DAPK3: variants seen among roughly 807,000 people sequenced by gnomAD.
The protein encoded by DAPK3 is death-associated protein kinase 3.
In DAPK3, 24 loss-of-function variants were observed where a neutral mutation model predicts 30.6. The observed-to-expected ratio is 0.78, with a 90% CI of 0.57 to 1.10. The LOEUF (loss-of-function observed/expected upper bound fraction) is 1.10. Among genes scored for constraint, DAPK3 ranks in the 50% least tolerant of loss-of-function variants. The pLI is 0.00. For missense variants in DAPK3, 629 were observed against 657.3 expected, an observed-to-expected ratio of 0.96 and a Z score of 0.47; for synonymous variants, 341 against 284.0, an observed-to-expected ratio of 1.20 and a Z score of -2.02.
chr19:3,963,826 T>C (rs1362539248), intron 5 of DAPK3, 45 bp downstream of exon 5: 1 of 1,399,884 alleles, frequency 7.1e-7, no homozygotes, highest in South Asian at 1.2e-5. Context: ...TGGCCTGCGC[T>C]CCAGGAATGC....
intron 2 of DAPK3, 100 bp downstream of exon 2, chr19:3,969,574 C>A: frequency 1.3e-6 from 1 of 791,786 alleles, no homozygotes; most frequent in South Asian, 1.5e-5. Context: ...TCCTTCTCAG[C>A]ATACAGGATA....
Position 3,964,614 on chromosome 19 carries a change from G to T in DAPK3, c.423+17C>A. Reference sequence around the variant, plus strand: ...CACACTGGCCAGGCCGGCCCCACAGGGCCCTACAGGGCTCACCTTCAGGTC... The same window carrying T: ...CACACTGGCCAGGCCGGCCCCACAGTGCCCTACAGGGCTCACCTTCAGGTC... On this transcript the variant is annotated intron_variant, in intron 3 of 8. Coordinates refer to ENST00000545797, the MANE Select transcript of DAPK3 (RefSeq NM_001348.3). 6.6e-7 allele frequency: 1 copy of T among 1,505,882 alleles called. No homozygotes were observed. 93.3% of individuals were successfully genotyped at this position (1,505,882 alleles called of 1,614,324 possible). A position where few individuals can be genotyped will look rare whatever the true frequency, so the allele number is the denominator to read the frequency against.
rs1030392911 is a variant in DAPK3 at position 3,959,753 on chromosome 19, C to T, written c.829-116G>A. The T allele has an allele frequency of 4.1e-6, 5 of 1,212,734 alleles. No homozygotes were observed. The African/African-American group carries it at 6.1e-5, about 15-fold the overall frequency. 75.1% of individuals were successfully genotyped at this position (1,212,734 alleles called of 1,614,324 possible). Reference sequence around the variant, plus strand: ...TCATCCGGCAGCAGAGTCAACGCCTCGTGACGGAGACTGCCCAGCCCGACG... The same window carrying T: ...TCATCCGGCAGCAGAGTCAACGCCTTGTGACGGAGACTGCCCAGCCCGACG... On this transcript the variant is annotated intron_variant, in intron 8 of 8. Transcript: ENST00000545797.
At chr19:3,964,573 G>A (rs1408912615) in intron 3 of DAPK3, 58 bp downstream of exon 3, 40 of 796,332 alleles carry the variant, frequency 5.0e-5, no homozygotes, top group African/African-American at 3.3e-4. Flanking sequence ...GCTCTTCCCC[G>A]CCCCATCCCC....
chr19:3,965,121 C>G, intron 2 of DAPK3, 130 bp from the exon 3 acceptor site: 1 of 619,004 alleles, frequency 1.6e-6, no homozygotes, highest in Non-Finnish European at 2.9e-6. Flanking sequence ...AGGACATGAG[C>G]TGGCCACTGC....
chr19:3,963,999 A>G (rs2039546825), intron 4 of DAPK3, 80 bp from the exon 5 acceptor site: 1 of 979,888 alleles, frequency 1.0e-6, no homozygotes, highest in Non-Finnish European at 1.6e-6. Flanking sequence ...CATGGGGTCA[A>G]GGTTCTCACA....
chr19:3,968,901 C>G lies in DAPK3; in HGVS notation c.62+773G>C, dbSNP rs79022921. On this transcript the variant is annotated intron_variant, in intron 2 of 8. Transcript: ENST00000545797. ...AAAAGGAGGCAGGGCCTAGTGGTGC[C>G]TGGCTAGTCTGGAGGGGGTGGGGCC... 7.7e-3 allele frequency among the ~76,000 whole-genome samples: 1,170 copies of G among 152,270 alleles called. 19 individuals carry two copies. The highest frequency in any genetic ancestry group is 0.027 in the African/African-American group (1,117 of 41,544).
Position 3,959,572 on chromosome 19 carries a change from C to A in DAPK3, c.894G>T (p.Lys298Asn), listed in dbSNP as rs2039480798. Residue 298 changes from lysine to asparagine, a missense_variant, in exon 9 of 9, where the codon AAG (lysine) becomes AAT (asparagine). Around this residue, in one of 2 missense-constraint regions of DAPK3, gnomAD observed 323 missense variants for 278.8 expected, o/e 1.16. Coordinates refer to ENST00000545797, the MANE Select transcript of DAPK3 (RefSeq NM_001348.3). ...TGGTGTACTCCTTCAGACGCGTGGT[C>A]TTCAGGCGCCGCCGCTCGGGCTTGC... ...SGRKPERRRL[K>N]TTRLKEYTIK... 1.3e-6 allele frequency: 2 copies of A among 1,583,486 alleles called. No individual in the cohort carries two copies. The highest frequency in any genetic ancestry group is 1.7e-6 in the Non-Finnish European group (2 of 1,173,840).
At chr19:3,961,613 G>A in intron 6 of DAPK3, 1 of 442,786 alleles carries the variant, frequency 2.3e-6, no homozygotes, top group South Asian at 1.6e-5. Flanking sequence ...GGGGTTTTGA[G>A]CAGAGACACT....
chr19:3,962,551 G>A lies in DAPK3; in HGVS notation c.629+1092C>T, dbSNP rs376573127. Among the ~76,000 whole-genome samples the A allele has an allele frequency of 2.5e-3, 375 of 151,992 alleles. 14 individuals carry two copies. The South Asian group carries it at 0.066, about 27-fold the overall frequency. Reference sequence around the variant, plus strand: ...AGCATTCTGGGAGGCCAAGGCGGCCGGATCACTTGAGGTCTGGAGTTCAAG... The same window carrying A: ...AGCATTCTGGGAGGCCAAGGCGGCCAGATCACTTGAGGTCTGGAGTTCAAG... On this transcript the variant is annotated intron_variant, in intron 6 of 8. Coordinates refer to ENST00000545797, the MANE Select transcript of DAPK3 (RefSeq NM_001348.3).
chr19:3,967,014 G>A (rs1462056545), intron 2 of DAPK3, among the ~76,000 whole-genome samples: 2 of 152,198 alleles, frequency 1.3e-5, no homozygotes, highest in African/African-American at 4.8e-5. Context: ...CAGCGCAGGT[G>A]GGGGCACAGC....
intron 2 of DAPK3, among the ~76,000 whole-genome samples, chr19:3,966,505 G>T (rs142201672): frequency 6.6e-6 from 1 of 152,164 alleles, no homozygotes; most frequent in Admixed American, 6.6e-5. Context: ...ATCCAGGCTC[G>T]CGGCAGGGGC....
chr19:3,959,710 G>C (rs1052398985), intron 8 of DAPK3, 73 bp from the exon 9 acceptor site: 2 of 1,445,384 alleles, frequency 1.4e-6, no homozygotes, highest in African/African-American at 2.8e-5. Context: ...CTGCCAGTGT[G>C]AACTGAGGTT....
At position 3,961,005 on chromosome 19, in the gene DAPK3, G is replaced by A. The variant is rs201203282; in HGVS notation, c.782+4C>T. The A allele has an allele frequency of 1.4e-3, 2,328 of 1,613,164 alleles. 25 individuals are homozygous for A. In the African/African-American group the frequency reaches 0.028, roughly 20 times the overall value. On this transcript the variant is annotated splice_donor_region_variant and intron_variant, in intron 7 of 8. Coordinates refer to ENST00000545797, the MANE Select transcript of DAPK3 (RefSeq NM_001348.3). ...ACCCCGTGCCCCCTGCCGGCCCCTCGTACTTGGGATCTTTGACGAGCAGCC... is the reference window on the plus strand; with the variant it reads ...ACCCCGTGCCCCCTGCCGGCCCCTCATACTTGGGATCTTTGACGAGCAGCC...
At chr19:3,964,476 C>T (rs2039554605) in intron 3 of DAPK3, 103 bp from the exon 4 acceptor site, 16 of 1,035,466 alleles carry the variant, frequency 1.5e-5, no homozygotes, top group Admixed American at 5.0e-5. Flanking sequence ...CTCACCCCCA[C>T]GCTCCCCCAA....
In DAPK3 at chr19:3,964,279, T is replaced by C. The variant is rs761954414; in HGVS notation, c.518A>G (p.Glu173Gly). 2 of 1,613,658 alleles carry C rather than the reference T, an allele frequency of 1.2e-6. No individual in the cohort carries two copies. The highest frequency in any genetic ancestry group is 2.2e-5 in the East Asian group (1 of 44,852). The change falls in exon 4 of 9, where the codon GAG becomes GGG. Residue 173 changes from glutamate to glycine, a missense_variant. Coordinates refer to ENST00000545797, the MANE Select transcript of DAPK3 (RefSeq NM_001348.3). The part of the protein sequence containing the change: ...GIAHKIEAGN[E>G]FKNIFGTPEF... ...CGGGGTGCCGAAGATGTTCTTGAACTCGTTCCCCGCCTCGATCTTGTGCGC... is the reference window on the plus strand; with the variant it reads ...CGGGGTGCCGAAGATGTTCTTGAACCCGTTCCCCGCCTCGATCTTGTGCGC...
At position 3,964,972 on chromosome 19, in the gene DAPK3, G is replaced by T; in HGVS notation, c.82C>A (p.Arg28=). 6.2e-7 allele frequency: 1 copy of T among 1,605,412 alleles called. No homozygotes were observed. The highest frequency in any genetic ancestry group is 1.3e-5 in the African/African-American group (1 of 74,914). Residue 28 remains arginine, a synonymous_variant, in exon 3 of 9, where the codon CGG becomes AGG. Transcript: ENST00000545797. ...ELGSGQFAIV[R]KCRQKGTGKE... ...CCCGTGCCCTTCTGCCGGCACTTCCGCACGATCGCAAACTGGCCGCTGGAG... is the reference window on the plus strand; with the variant it reads ...CCCGTGCCCTTCTGCCGGCACTTCCTCACGATCGCAAACTGGCCGCTGGAG...
At chr19:3,966,701 C>G (rs2039580728) in intron 2 of DAPK3, among the ~76,000 whole-genome samples, 1 of 152,210 alleles carries the variant, frequency 6.6e-6, no homozygotes, top group Non-Finnish European at 1.5e-5. Flanking sequence ...CCAGTCACAC[C>G]TGCGGCCGCT....
At position 3,964,236 on chromosome 19, in the gene DAPK3, G is replaced by A; in HGVS notation, c.553+8C>T. 1 of 1,605,876 alleles carries A rather than the reference G, an allele frequency of 6.2e-7. No homozygotes were observed. The highest frequency in any genetic ancestry group is 2.2e-5 in the East Asian group (1 of 44,580). ...CAGGCCGGGGCTGCCCACTGGGCAG[G>A]GCCTCACCCACAAACTCCGGGGTGC... On this transcript the variant is annotated splice_region_variant and intron_variant, in intron 4 of 8. Coordinates refer to ENST00000545797, the MANE Select transcript of DAPK3 (RefSeq NM_001348.3).
Sources: gnomAD v4.1 joint callset for allele counts (sites outside exome capture counted in the v4.1 genomes callset) on GRCh38, gnomAD v4.1.1 for gene constraint, gnomAD v4.1.1 regional missense constraint, MANE v1.5 for transcripts, NCBI Gene and HGNC (gene_info 2026-07-23, HGNC 2026-07-21) for gene names.